The following COL20A1 variants were observed in gnomAD, a reference collection of about 807,000 sequenced individuals.
COL20A1 encodes the protein collagen type XX alpha 1 chain.
A neutral mutation model predicts 152.9 loss-of-function variants in COL20A1; 164 were observed. The ratio of observed to expected loss-of-function variants is 1.07; its 90% CI spans 0.94 to 1.22. The LOEUF is 1.22. COL20A1 is among the 50% of genes most tolerant of loss of function. The probability of loss-of-function intolerance (pLI) is 0.00; values close to 1 mark genes in which losing one functional copy is unlikely to be tolerated. For synonymous variants in COL20A1, 864 were observed against 756.0 expected, an observed-to-expected ratio of 1.14 and a Z score of -2.34; for missense variants, 1,873 against 1,744.8, an observed-to-expected ratio of 1.07 and a Z score of -1.31.
Position 63,312,010 on chromosome 20 carries a change from G to A in COL20A1, c.1758G>A (p.Leu586=). 6.2e-7 allele frequency: 1 copy of A among 1,606,568 alleles called. No homozygotes were observed. The highest frequency in any genetic ancestry group is 8.5e-7 in the Non-Finnish European group (1 of 1,177,200). Reference sequence around the variant, plus strand: ...AGGGTGCCCCGAGGCCTGTGCGCCTGGTCAGGGTCACCTATGTGTCCAGCG... The same window carrying A: ...AGGGTGCCCCGAGGCCTGTGCGCCTAGTCAGGGTCACCTATGTGTCCAGCG... ...FWEGAPRPVR[L]VRVTYVSSEG... The change falls in exon 14 of 36, where the codon CTG becomes CTA. Residue 586 remains leucine, a synonymous_variant. Coordinates refer to ENST00000358894, the MANE Select transcript of COL20A1 (RefSeq NM_020882.4).
rs749319746 is a variant in COL20A1, at chr20:63,325,769, C to T, written c.3402+48C>T. The T allele has an allele frequency of 2.4e-5, 37 of 1,551,226 alleles. No individual in the cohort carries two copies. In the Admixed American group the frequency reaches 2.7e-4, roughly 11 times the overall value. ...GTTCTGTCAGGGTGGTAGAGACTGG[C>T]CTGGGGACGGGGGGCCTTGGAGATG... On this transcript the variant is annotated intron_variant, in intron 29 of 35. Transcript: ENST00000358894.
intron 31 of COL20A1, 163 bp from the exon 32 acceptor site, chr20:63,327,789 A>T: frequency 1.4e-6 from 1 of 690,110 alleles, no homozygotes; most frequent in Non-Finnish European, 2.5e-6. Flanking sequence ...GCAGGCGAGG[A>T]CCACAGGCTC....
At chr20:63,308,144 G>C in intron 7 of COL20A1, 54 bp downstream of exon 7, 1 of 1,594,728 alleles carries the variant, frequency 6.3e-7, no homozygotes, top group Non-Finnish European at 8.6e-7. Context: ...TCCTTCTGCC[G>C]CCCTCCCAGA....
chr20:63,328,560 G>C, intron 34 of COL20A1, 62 bp downstream of exon 34: 1 of 1,479,898 alleles, frequency 6.8e-7, no homozygotes. Context: ...GTTGTCCCCT[G>C]GTCCTGGGGC....
intron 24 of COL20A1, 24 bp downstream of exon 24, chr20:63,320,221 C>T: frequency 6.2e-7 from 1 of 1,600,066 alleles, no homozygotes. Flanking sequence ...TGCCCACCTG[C>T]TGGGCCACGC....
intron 19 of COL20A1, among the ~76,000 whole-genome samples, chr20:63,314,784 G>A (rs189613619): frequency 1.8e-3 from 269 of 146,994 alleles, no homozygotes; most frequent in Middle Eastern, 7.4e-3. Context: ...CAGCCTGCCC[G>A]CACACCAGGC....
chr20:63,309,927 G>A lies in COL20A1; in HGVS notation c.1263+12G>A, dbSNP rs6010896. ...GCACCCCCAGGGAGGTGAGGGGGCC[G>A]GTATACAGGGCTCCCCGAGCCGGTC... On this transcript the variant is annotated intron_variant, in intron 10 of 35. Coordinates refer to ENST00000358894, the MANE Select transcript of COL20A1 (RefSeq NM_020882.4). 0.058 allele frequency: 91,779 copies of A among 1,582,320 alleles called. 3,114 individuals are homozygous for A. The highest frequency in any genetic ancestry group is 0.1 in the South Asian group (8,930 of 85,908).
Position 63,310,513 on chromosome 20 carries a change from A to T in COL20A1, c.1393+3A>T. ...CCTGCGGGGCCTGGTGACCACAGGTAGGTGGGGCAGAGGCAGCGGCCAGGT... is the reference window on the plus strand; with the variant it reads ...CCTGCGGGGCCTGGTGACCACAGGTTGGTGGGGCAGAGGCAGCGGCCAGGT... On this transcript the variant is annotated splice_donor_region_variant and intron_variant, in intron 11 of 35. Transcript: ENST00000358894. The T allele has an allele frequency of 6.3e-7, 1 of 1,589,606 alleles. No individual in the cohort carries two copies. Among genetic ancestry groups the T allele is most frequent in the Non-Finnish European group, 8.6e-7 (1 of 1,168,380 alleles).
chr20:63,313,323 G>T lies in COL20A1; in HGVS notation c.2209+74G>T. Reference sequence around the variant, plus strand: ...CCAGGGGATCCCTGACTCACCCGCTGCACAGGCCCAGGACCCTAGACTCCC... The same window carrying T: ...CCAGGGGATCCCTGACTCACCCGCTTCACAGGCCCAGGACCCTAGACTCCC... On this transcript the variant is annotated intron_variant, in intron 17 of 35. Transcript: ENST00000358894. This position sits in a 1 kb window ranked among gnomAD's most constrained non-coding sequence, Gnocchi z 5.9. 1 of 1,494,350 alleles carries T rather than the reference G, an allele frequency of 6.7e-7. No individual in the cohort carries two copies. The highest frequency in any genetic ancestry group is 9.1e-7 in the Non-Finnish European group (1 of 1,100,156). 92.6% of individuals were successfully genotyped at this position (1,494,350 alleles called of 1,614,324 possible). A position where few individuals can be genotyped will look rare whatever the true frequency, so the allele number is the denominator to read the frequency against.
rs1192153757 is a variant in COL20A1, at chr20:63,309,910, A to G, written c.1258A>G (p.Arg420Gly). ...VWRASRGGTP[R>G]EVVVEGPAAS... ...GCGAGCCTCTAGAGGTGGCACCCCC[A>G]GGGAGGTGAGGGGGCCGGTATACAG... Residue 420 changes from arginine to glycine, a missense_variant, in exon 10 of 36, where the codon AGG (arginine) becomes GGG (glycine). Transcript: ENST00000358894. 1.9e-6 allele frequency: 3 copies of G among 1,598,106 alleles called. No homozygotes were observed.
chr20:63,308,395 C>A (rs952658629), intron 7 of COL20A1, 147 bp from the exon 8 acceptor site: 2 of 834,384 alleles, frequency 2.4e-6, no homozygotes, highest in African/African-American at 1.7e-5. Flanking sequence ...AACAGGTAGA[C>A]CCTCCCTGCT....
chr20:63,312,284 C>G, intron 14 of COL20A1, 136 bp from the exon 15 acceptor site: 1 of 1,196,474 alleles, frequency 8.4e-7, no homozygotes, highest in Non-Finnish European at 1.1e-6. Flanking sequence ...TCCCATCCCT[C>G]AGGACAAGCC....
rs899479614 is a variant in COL20A1 at position 63,334,048 on chromosome 20, T to G, written c.*3332T>G. 18 of 152,350 alleles carry G rather than the reference T, an allele frequency of 1.2e-4. No individual in the cohort carries two copies. The highest frequency in any genetic ancestry group is 4.3e-4 in the African/African-American group (18 of 41,568). 9.4% of individuals were successfully genotyped at this position (152,350 alleles called of 1,614,324 possible). A position where few individuals can be genotyped will look rare whatever the true frequency, so the allele number is the denominator to read the frequency against. ...GTCATAATACAGCCCCCCATCGTGA[T>G]CTGATGGTAAGTACAGAACTCCTTG... On this transcript the variant is annotated 3_prime_UTR_variant, in exon 36 of 36. Coordinates refer to ENST00000358894, the MANE Select transcript of COL20A1 (RefSeq NM_020882.4).
Position 63,313,681 on chromosome 20 carries a change from G to T in COL20A1, c.2210-62G>T. On this transcript the variant is annotated intron_variant, in intron 17 of 35. Coordinates refer to ENST00000358894, the MANE Select transcript of COL20A1 (RefSeq NM_020882.4). The surrounding 1 kb of genome is among the most constrained non-coding windows in gnomAD (Gnocchi z 5.9). ...GTAGGGGCTGGGCAGCTGGTCCTCT[G>T]GCCACCGGGTGCCTCCTTTCTGGAG... is the stretch of plus-strand genomic sequence containing the variant. The T allele has an allele frequency of 6.8e-7, 1 of 1,470,410 alleles. No individual in the cohort carries two copies. The highest frequency in any genetic ancestry group is 2.4e-5 in the East Asian group (1 of 41,436). The allele number at this position is 1,470,410 out of a possible 1,614,324, so 91.1% of individuals were successfully genotyped here.
chr20:63,317,343 G>A (rs756830335), intron 21 of COL20A1, among the ~76,000 whole-genome samples: 32 of 151,922 alleles, frequency 2.1e-4, no homozygotes, highest in Non-Finnish European at 3.8e-4. Flanking sequence ...GCAGGCACCT[G>A]TATTCCCAGC....
chr20:63,327,726 C>A, intron 31 of COL20A1: 1 of 588,508 alleles, frequency 1.7e-6, no homozygotes. Flanking sequence ...AAGTTCCAGC[C>A]CCACTCAGGA....
At chr20:63,318,269 G>A (rs909332678) in intron 21 of COL20A1, among the ~76,000 whole-genome samples, 12 of 152,196 alleles carry the variant, frequency 7.9e-5, no homozygotes, top group African/African-American at 2.9e-4. Context: ...CTCCTGAGGT[G>A]GCATCACAGG....
At position 63,325,612 on chromosome 20, in the gene COL20A1, C is replaced by T. The variant is rs1372676249; in HGVS notation, c.3349-56C>T. 14 of 1,564,612 alleles carry T rather than the reference C, an allele frequency of 8.9e-6. No homozygotes were observed. The East Asian group carries it at 2.9e-4, about 33-fold the overall frequency. On this transcript the variant is annotated intron_variant, in intron 28 of 35. Coordinates refer to ENST00000358894, the MANE Select transcript of COL20A1 (RefSeq NM_020882.4). ...TGGGGGTGAGGCCTCACAGGCAGGG[C>T]CACCTCTGGATGTGACCCTGGCCCC...
chr20:63,329,400 C>A, intron 34 of COL20A1, 185 bp from the exon 35 acceptor site: 1 of 552,252 alleles, frequency 1.8e-6, no homozygotes, highest in Non-Finnish European at 3.2e-6. Flanking sequence ...TCATGGAGCC[C>A]AGGAGGCGCC....
Sources: allele counts gnomAD v4.1 joint callset (sites outside exome capture counted in the v4.1 genomes callset), GRCh38; gene constraint gnomAD v4.1.1; non-coding constraint Gnocchi (gnomAD v3.1); transcripts MANE v1.5; gene names NCBI Gene and HGNC (gene_info 2026-07-23, HGNC 2026-07-21).